Variants in CDH18 observed in about 807,000 individuals in gnomAD.
CDH18 encodes the protein cadherin-18.
In CDH18, 31 loss-of-function variants were observed where a neutral mutation model predicts 67.9. The ratio of observed to expected loss-of-function variants is 0.46; its 90% CI spans 0.34 to 0.62. The LOEUF (loss-of-function observed/expected upper bound fraction) is 0.62, where lower values mean the gene tolerates loss of function less well. Among genes scored for constraint, CDH18 ranks in the 20% least tolerant of loss-of-function variants. CDH18 has a pLI of 0.01. For missense variants in CDH18, 890 were observed against 975.5 expected, an observed-to-expected ratio of 0.91 and a Z score of 1.17; for synonymous variants, 362 against 347.2, an observed-to-expected ratio of 1.04 and a Z score of -0.48.
chr5:19,868,235 G>A (rs1332734437), intron 2 of CDH18, among the ~76,000 whole-genome samples: 1 of 152,062 alleles, frequency 6.6e-6, no homozygotes, highest in Non-Finnish European at 1.5e-5. Context: ...ATGATTACCT[G>A]CAAAGTTTCC....
chr5:20,240,323 T>C (rs1029333991), intron 2 of CDH18, among the ~76,000 whole-genome samples: 15 of 152,108 alleles, frequency 9.9e-5, no homozygotes, highest in Non-Finnish European at 2.1e-4. Flanking sequence ...AATCAAAATA[T>C]GATTTTTGAT....
chr5:20,343,896 C>T (rs1455841841), intron 1 of CDH18, among the ~76,000 whole-genome samples: 6 of 152,110 alleles, frequency 3.9e-5, no homozygotes, highest in African/African-American at 1.4e-4. Flanking sequence ...CAAAGTCCAC[C>T]AAAAGAGGAT....
chr5:19,483,465 C>G lies in CDH18; in HGVS notation c.1718G>C (p.Gly573Ala). 6.2e-7 allele frequency: 1 copy of G among 1,614,102 alleles called. No homozygotes were observed. Among genetic ancestry groups the G allele is most frequent in the Non-Finnish European group, 8.5e-7 (1 of 1,180,016 alleles). The change falls in exon 12 of 13, where the codon GGT becomes GCT. Residue 573 changes from glycine (G) to alanine (A), a missense_variant. Physicochemically the swap from Gly to Ala is moderately conservative, Grantham distance 60. Around this residue, in one of 2 missense-constraint regions of CDH18, gnomAD observed 656 missense variants for 668.1 expected, o/e 0.98. Coordinates refer to ENST00000382275, the MANE Select transcript of CDH18 (RefSeq NM_004934.5). Reference sequence around the variant, plus strand: ...GCTGCTGCTGAGAGAGGGGATTCCACCATCAGAGATCATAATGGGCAGATA... The same window carrying G: ...GCTGCTGCTGAGAGAGGGGATTCCAGCATCAGAGATCATAATGGGCAGATA... ...VYYLPIMISD[G>A]GIPSLSSSST...
At chr5:19,554,137 C>A (rs912882989) in intron 8 of CDH18, among the ~76,000 whole-genome samples, 1 of 152,142 alleles carries the variant, frequency 6.6e-6, no homozygotes, top group Non-Finnish European at 1.5e-5. Flanking sequence ...ATAGGATGGA[C>A]AGCACACATG....
rs146150836 is a variant in CDH18, at chr5:19,892,261, T to A, written c.-256-53019A>T. Among the ~76,000 whole-genome samples the A allele has an allele frequency of 6.6e-3, 1,002 of 152,286 alleles. 11 individuals are homozygous for A. The highest frequency in any genetic ancestry group is 0.023 in the African/African-American group (975 of 41,554). Reference sequence around the variant, plus strand: ...ATAAAGGACAAGTATATCTTTAAAGTGCTCTAGCTAATGTTAGTTTACCTT... The same window carrying A: ...ATAAAGGACAAGTATATCTTTAAAGAGCTCTAGCTAATGTTAGTTTACCTT... On this transcript the variant is annotated intron_variant, in intron 2 of 12. Transcript: ENST00000382275.
intron 2 of CDH18, among the ~76,000 whole-genome samples, chr5:20,090,705 G>A (rs79341848): frequency 8.6e-5 from 13 of 151,818 alleles, no homozygotes; most frequent in East Asian, 1.9e-4. Context: ...TTTCAACCTC[G>A]TGAAACAAAT....
intron 2 of CDH18, among the ~76,000 whole-genome samples, chr5:20,252,367 C>CAA (rs1249307545): frequency 1.4e-5 from 2 of 145,844 alleles, no homozygotes; most frequent in African/African-American, 5.0e-5. Flanking sequence ...AAACAAAAAA[C>CAA]AAAAAAAAAA....
intron 2 of CDH18, among the ~76,000 whole-genome samples, chr5:20,143,226 A>T (rs1001761438): frequency 2.6e-5 from 4 of 152,160 alleles, no homozygotes; most frequent in Admixed American, 2.6e-4. Flanking sequence ...TGAAGTCTCC[A>T]ATGGAAATAA....
chr5:20,540,892 A>T (rs191987690), intron 1 of CDH18, among the ~76,000 whole-genome samples: 1 of 152,332 alleles, frequency 6.6e-6, no homozygotes, highest in East Asian at 1.9e-4. Flanking sequence ...GCTGGAGAAT[A>T]TGCCACTTGA....
At chr5:19,837,086 A>T (rs551424740) in intron 3 of CDH18, among the ~76,000 whole-genome samples, 1 of 152,208 alleles carries the variant, frequency 6.6e-6, no homozygotes, top group Non-Finnish European at 1.5e-5. Context: ...GCCATAAAAA[A>T]GGATGAGTTC....
intron 2 of CDH18, among the ~76,000 whole-genome samples, chr5:20,219,105 C>A (rs1741012734): frequency 1.3e-5 from 2 of 150,456 alleles, no homozygotes; most frequent in Admixed American, 6.6e-5. Context: ...AACCTTTAGC[C>A]TAAGAAAAAA....
chr5:19,911,317 C>T (rs903716257), intron 2 of CDH18, among the ~76,000 whole-genome samples: 3 of 151,834 alleles, frequency 2.0e-5, no homozygotes, highest in Non-Finnish European at 4.4e-5. Context: ...GATTATGAGT[C>T]CAGATAAATA....
intron 1 of CDH18, among the ~76,000 whole-genome samples, chr5:20,532,184 A>G (rs1756444548): frequency 6.6e-6 from 1 of 152,140 alleles, no homozygotes; most frequent in African/African-American, 2.4e-5. Context: ...ACACTAACAG[A>G]ATAGTCTACA....
intron 1 of CDH18, among the ~76,000 whole-genome samples, chr5:20,527,430 C>T (rs576817906): frequency 6.6e-6 from 1 of 151,652 alleles, no homozygotes; most frequent in East Asian, 1.9e-4. Context: ...AGATATTCCA[C>T]AAGATCAACC....
intron 3 of CDH18, among the ~76,000 whole-genome samples, chr5:19,814,068 A>T (rs1002162561): frequency 3.9e-5 from 6 of 151,908 alleles, no homozygotes; most frequent in Non-Finnish European, 7.4e-5. Flanking sequence ...GCAGATTTTA[A>T]AAAAAATAAA....
At chr5:20,507,423 C>A (rs1184411691) in intron 1 of CDH18, among the ~76,000 whole-genome samples, 2 of 152,086 alleles carry the variant, frequency 1.3e-5, no homozygotes, top group African/African-American at 4.8e-5. Context: ...GATAGAGATT[C>A]ACTGGAAGTA....
intron 11 of CDH18, among the ~76,000 whole-genome samples, chr5:19,489,250 CTT>C (rs1237810466): frequency 4.7e-5 from 6 of 128,102 alleles, no homozygotes; most frequent in Admixed American, 8.1e-5. Context: ...TTTTTTTTTT[CTT>C]TTTTTTTTTT....
At chr5:19,811,910 C>T (rs1037099578) in intron 3 of CDH18, among the ~76,000 whole-genome samples, 2 of 152,028 alleles carry the variant, frequency 1.3e-5, no homozygotes, top group African/African-American at 4.8e-5. Flanking sequence ...AAAGGTTCTA[C>T]ATAAACAATA....
At chr5:20,516,664 A>G (rs1755390895) in intron 1 of CDH18, among the ~76,000 whole-genome samples, 1 of 151,932 alleles carries the variant, frequency 6.6e-6, no homozygotes, top group African/African-American at 2.4e-5. Context: ...TTTCTAATTT[A>G]TTATTTTTAA....
Sources: gnomAD v4.1 joint callset for allele counts (sites outside exome capture counted in the v4.1 genomes callset) on GRCh38, gnomAD v4.1.1 for gene constraint, gnomAD v4.1.1 regional missense constraint, MANE v1.5 for transcripts, NCBI Gene and HGNC (gene_info 2026-07-23, HGNC 2026-07-21) for gene names.